PRKCE: variants seen among roughly 807,000 people sequenced by gnomAD.
PRKCE encodes the protein protein kinase C epsilon, also known as protein kinase C epsilon type.
PRKCE carries 16 observed loss-of-function variants against 85.4 expected under a neutral mutation model. The observed-to-expected ratio is 0.19, with a 90% confidence interval of 0.13 to 0.28. The LOEUF (loss-of-function observed/expected upper bound fraction) is 0.28, where lower values mean the gene tolerates loss of function less well. Ranked by LOEUF, PRKCE falls within the 10% of genes least tolerant of loss-of-function variation. PRKCE has a pLI of 1.00. For missense variants in PRKCE, 573 were observed against 975.2 expected (o/e 0.59, Z 5.49); for synonymous variants, 388 against 371.5 (o/e 1.04, Z -0.51).
At chr2:45,949,482 G>A (rs1362460940) in intron 2 of PRKCE, among the ~76,000 whole-genome samples, 1 of 127,854 alleles carries the variant, frequency 7.8e-6, no homozygotes, top group Non-Finnish European at 1.6e-5. Context: ...CTAAATCTGA[G>A]TCTGCTACAT....
At chr2:45,966,067 G>A (rs1390186070) in intron 2 of PRKCE, among the ~76,000 whole-genome samples, 2 of 152,098 alleles carry the variant, frequency 1.3e-5, no homozygotes, top group African/African-American at 4.8e-5. Context: ...AGGCTATTTT[G>A]CCATCCTTGG....
intron 11 of PRKCE, among the ~76,000 whole-genome samples, chr2:46,091,232 G>C (rs1453207037): frequency 6.6e-6 from 1 of 152,094 alleles, no homozygotes; most frequent in African/African-American, 2.4e-5. Flanking sequence ...TCCTAATTAT[G>C]GCATTTAACC....
chr2:46,100,392 A>G (rs1671091517), intron 11 of PRKCE, among the ~76,000 whole-genome samples: 2 of 152,108 alleles, frequency 1.3e-5, no homozygotes, highest in Non-Finnish European at 2.9e-5. Flanking sequence ...CTTTTGGGGG[A>G]TCTGATGTTG....
rs575368728 is a variant in PRKCE, at chr2:45,670,308, C to T, written c.348+17860C>T. ...CATTTTTCTTTCTGAAGGAGAAAGA[C>T]GTGAGAAAAAGAGAATAAAGGCATA... On this transcript the variant is annotated intron_variant, in intron 1 of 14. Transcript: ENST00000306156. 5.9e-5 allele frequency among the ~76,000 whole-genome samples: 9 copies of T among 152,202 alleles called. No individual in the cohort carries two copies. The East Asian group carries it at 9.7e-4, about 16-fold the overall frequency.
intron 10 of PRKCE, among the ~76,000 whole-genome samples, chr2:46,064,064 T>C (rs911124168): frequency 6.6e-6 from 1 of 151,828 alleles, no homozygotes; most frequent in Non-Finnish European, 1.5e-5. Context: ...GGCGGATCAC[T>C]TGAGGTCAGG....
chr2:45,885,218 A>G (rs1695206783), intron 2 of PRKCE, among the ~76,000 whole-genome samples: 1 of 152,036 alleles, frequency 6.6e-6, no homozygotes, highest in Non-Finnish European at 1.5e-5. Context: ...CCCAGAAAGA[A>G]TTATGTTGTT....
intron 2 of PRKCE, among the ~76,000 whole-genome samples, chr2:45,914,217 T>A (rs550478690): frequency 6.6e-6 from 1 of 152,348 alleles, no homozygotes; most frequent in East Asian, 1.9e-4. Flanking sequence ...AATTCATATG[T>A]GAATTCAAAA....
At chr2:45,860,144 T>G (rs1693028530) in intron 2 of PRKCE, among the ~76,000 whole-genome samples, 1 of 152,182 alleles carries the variant, frequency 6.6e-6, no homozygotes, top group South Asian at 2.1e-4. Flanking sequence ...TCTAAGTTGT[T>G]TATCATTGTA....
chr2:45,750,836 G>A (rs1208664291), intron 1 of PRKCE, among the ~76,000 whole-genome samples: 1 of 152,036 alleles, frequency 6.6e-6, no homozygotes, highest in African/African-American at 2.4e-5. Context: ...TTTTGACCAG[G>A]CCCCACACCA....
chr2:46,060,375 C>A (rs956225389), intron 10 of PRKCE, among the ~76,000 whole-genome samples: 1 of 152,192 alleles, frequency 6.6e-6, no homozygotes, highest in African/African-American at 2.4e-5. Flanking sequence ...AGAGAAGACC[C>A]TGCCCATGGT....
At chr2:46,034,427 A>G (rs1444161142) in intron 10 of PRKCE, among the ~76,000 whole-genome samples, 2 of 152,196 alleles carry the variant, frequency 1.3e-5, no homozygotes, top group Non-Finnish European at 2.9e-5. Context: ...CCGTGTTTGC[A>G]TATTTGGTAT....
chr2:46,071,273 G>A (rs777170861), intron 10 of PRKCE, among the ~76,000 whole-genome samples: 2 of 152,148 alleles, frequency 1.3e-5, no homozygotes, highest in Admixed American at 6.5e-5. Flanking sequence ...CTATAAATAT[G>A]TACTAGTCAG....
intron 2 of PRKCE, among the ~76,000 whole-genome samples, chr2:45,887,287 G>A (rs896865079): frequency 1.3e-5 from 2 of 152,204 alleles, no homozygotes; most frequent in South Asian, 4.1e-4. Flanking sequence ...ACAATAGATA[G>A]CGATCTGTGT....
At chr2:45,768,761 A>T (rs949157362) in intron 1 of PRKCE, among the ~76,000 whole-genome samples, 3 of 152,240 alleles carry the variant, frequency 2.0e-5, no homozygotes, top group Non-Finnish European at 4.4e-5. Flanking sequence ...CCTTCTCTGA[A>T]TATGTGTAGG....
intron 2 of PRKCE, among the ~76,000 whole-genome samples, chr2:45,916,181 GTATCTT>G (rs5830882): frequency 0.24 from 36,749 of 151,232 alleles, 5,431 homozygotes; most frequent in South Asian, 0.36. Context: ...CTAAAATGTA[GTATCTT>G]TATGACAGGA....
intron 10 of PRKCE, among the ~76,000 whole-genome samples, chr2:46,024,405 C>A (rs1280658366): frequency 6.6e-6 from 1 of 151,722 alleles, no homozygotes; most frequent in East Asian, 1.9e-4. Flanking sequence ...AGGGAGAATG[C>A]CAGGAAGGAT....
intron 1 of PRKCE, among the ~76,000 whole-genome samples, chr2:45,784,481 C>A (rs1217737384): frequency 6.6e-6 from 1 of 152,186 alleles, no homozygotes; most frequent in Non-Finnish European, 1.5e-5. Context: ...TAATCAGCTT[C>A]GTGTTGGGAT....
intron 1 of PRKCE, among the ~76,000 whole-genome samples, chr2:45,701,231 C>T (rs539343023): frequency 2.4e-4 from 37 of 152,184 alleles, no homozygotes; most frequent in Admixed American, 2.0e-3. Context: ...GGGTAGAAAA[C>T]GGGCACATTT....
intron 1 of PRKCE, among the ~76,000 whole-genome samples, chr2:45,772,733 G>C (rs1285186616): frequency 6.6e-6 from 1 of 152,118 alleles, no homozygotes; most frequent in Non-Finnish European, 1.5e-5. Context: ...TGAAGTTGTG[G>C]GTTCTAAGGA....
Sources: gnomAD v4.1 joint callset for allele counts (sites outside exome capture counted in the v4.1 genomes callset) on GRCh38, gnomAD v4.1.1 for gene constraint, MANE v1.5 for transcripts, NCBI Gene and HGNC (gene_info 2026-07-23, HGNC 2026-07-21) for gene names.